JMY: variants seen among roughly 807,000 people sequenced by gnomAD.
JMY encodes junction mediating and regulatory protein, p53 cofactor, also known as junction-mediating and -regulatory protein.
Under a neutral mutation model 103.3 loss-of-function variants are expected in JMY, and 46 were observed. That is an observed-to-expected ratio of 0.45 (90% CI 0.35 to 0.57). The LOEUF is 0.57. Ranked by LOEUF, JMY falls within the 20% of genes least tolerant of loss-of-function variation. JMY has a pLI of 0.00. For missense variants in JMY, 1,238 were observed against 1,255.2 expected (o/e 0.99, Z 0.21); for synonymous variants, 526 against 489.3 (o/e 1.07, Z -0.99).
intron 7 of JMY, 94 bp from the exon 8 acceptor site, chr5:79,312,309 T>C (rs1747071478): frequency 3.0e-6 from 2 of 668,120 alleles, no homozygotes; most frequent in Non-Finnish European, 4.7e-6. Flanking sequence ...AATCATCCCC[T>C]TTGGCCCACA....
chr5:79,318,753 TATATATATAGAGAG>T (rs1266278004), intron 10 of JMY, among the ~76,000 whole-genome samples: 1 of 48,328 alleles, frequency 2.1e-5, no homozygotes, highest in Admixed American at 2.2e-4. Context: ...TATATATATA[TATATATATAGAGAG>T]AGAGAGAGAG....
intron 2 of JMY, 150 bp from the exon 3 acceptor site, chr5:79,289,971 T>C: frequency 3.5e-6 from 2 of 568,772 alleles, no homozygotes; most frequent in Non-Finnish European, 5.9e-6. Context: ...TCTTCAGTAT[T>C]ATTGTTAATT....
chr5:79,264,190 A>G (rs1435153667), intron 1 of JMY, among the ~76,000 whole-genome samples: 1 of 151,818 alleles, frequency 6.6e-6, no homozygotes, highest in Non-Finnish European at 1.5e-5. Context: ...GGCTCAGGTG[A>G]TTCTTTCACC....
At chr5:79,248,227 A>T (rs1172535165) in intron 1 of JMY, among the ~76,000 whole-genome samples, 12 of 152,010 alleles carry the variant, frequency 7.9e-5, no homozygotes, top group Non-Finnish European at 1.5e-5. Flanking sequence ...ACGGGATTTC[A>T]CCAAGTTGGC....
At chr5:79,288,189 C>T (rs1407182410) in intron 2 of JMY, among the ~76,000 whole-genome samples, 1 of 152,162 alleles carries the variant, frequency 6.6e-6, no homozygotes, top group East Asian at 1.9e-4. Flanking sequence ...TTTAAGACAA[C>T]CTCATATGAT....
chr5:79,279,987 G>C (rs190702601), intron 2 of JMY, among the ~76,000 whole-genome samples: 3 of 152,256 alleles, frequency 2.0e-5, no homozygotes, highest in African/African-American at 7.2e-5. Context: ...GGGACTATGG[G>C]CGCATGCCAC....
At chr5:79,248,473 A>C (rs1744975399) in intron 1 of JMY, among the ~76,000 whole-genome samples, 1 of 146,348 alleles carries the variant, frequency 6.8e-6, no homozygotes, top group African/African-American at 2.5e-5. Flanking sequence ...CACCCAGCTA[A>C]GTTTTTTGTA....
chr5:79,277,644 CAAA>C (rs1003796753), intron 1 of JMY, among the ~76,000 whole-genome samples: 3 of 139,060 alleles, frequency 2.2e-5, no homozygotes, highest in Non-Finnish European at 4.7e-5. Context: ...GTCTCAAAAA[CAAA>C]AAAAAAAGGA....
At position 79,314,637 on chromosome 5, in the gene JMY, A is replaced by ACCC; in HGVS notation, c.2447_2448insCCC (p.Pro825dup). 2.5e-6 allele frequency: 1 copy of ACCC among 396,674 alleles called. No individual in the cohort carries two copies. The highest frequency in any genetic ancestry group is 4.0e-6 in the Non-Finnish European group (1 of 252,330). The allele number at this position is 396,674 out of a possible 1,614,324, so 24.6% of individuals were successfully genotyped here. A position where few individuals can be genotyped will look rare whatever the true frequency, so the allele number is the denominator to read the frequency against. ...TTCCTCCAACACCACCACCTCCCCC[A>ACCC]CCTCCTCCCCCTCCCCCACCACCAC... is the stretch of plus-strand genomic sequence containing the variant. On this transcript the variant is annotated inframe_insertion, in exon 9 of 11. Transcript: ENST00000396137.
intron 1 of JMY, among the ~76,000 whole-genome samples, chr5:79,243,767 T>A (rs1580324854): frequency 6.6e-6 from 1 of 152,294 alleles, no homozygotes; most frequent in East Asian, 1.9e-4. Context: ...CTAATCATTT[T>A]CTTCAATCCT....
intron 1 of JMY, among the ~76,000 whole-genome samples, chr5:79,271,215 G>A (rs1418894527): frequency 1.3e-5 from 2 of 149,512 alleles, no homozygotes; most frequent in African/African-American, 4.9e-5. Flanking sequence ...TTAAATTTTA[G>A]TAGAGAGAGT....
chr5:79,269,612 G>T (rs545852025), intron 1 of JMY, among the ~76,000 whole-genome samples: 1 of 152,048 alleles, frequency 6.6e-6, no homozygotes, highest in Non-Finnish European at 1.5e-5. Flanking sequence ...CTTTGTCAGA[G>T]TTTTATAGCT....
At position 79,241,236 on chromosome 5, in the gene JMY, A is replaced by G. The variant is rs1744731844; in HGVS notation, c.1032+3554A>G. Among the ~76,000 whole-genome samples the G allele has an allele frequency of 2.6e-5, 4 of 152,294 alleles. No homozygotes were observed. The South Asian group carries it at 8.3e-4, about 32-fold the overall frequency. On this transcript the variant is annotated intron_variant, in intron 1 of 10. Coordinates refer to ENST00000396137, the MANE Select transcript of JMY (RefSeq NM_152405.5). ...AAGCTTTTCAAGGTCCTTGGCTTTGACAATACCTTGGAACTCTCTTCTTTG... is the reference window on the plus strand; with the variant it reads ...AAGCTTTTCAAGGTCCTTGGCTTTGGCAATACCTTGGAACTCTCTTCTTTG...
At chr5:79,300,961 A>G in intron 6 of JMY, 98 bp downstream of exon 6, 6 of 987,142 alleles carry the variant, frequency 6.1e-6, no homozygotes, top group Non-Finnish European at 8.8e-6. Flanking sequence ...TTTAAAACTA[A>G]GTAAGCACTA....
chr5:79,242,631 T>C (rs1744775618), intron 1 of JMY, among the ~76,000 whole-genome samples: 1 of 152,168 alleles, frequency 6.6e-6, no homozygotes, highest in South Asian at 2.1e-4. Flanking sequence ...TTTGTCTTAA[T>C]CCAAACGTGT....
intron 1 of JMY, among the ~76,000 whole-genome samples, chr5:79,245,843 C>G (rs1023996809): frequency 2.0e-5 from 3 of 152,122 alleles, no homozygotes; most frequent in Non-Finnish European, 4.4e-5. Context: ...CCAGGCTGGT[C>G]TTGAACTCCT....
chr5:79,251,443 A>G (rs1745081043), intron 1 of JMY, among the ~76,000 whole-genome samples: 1 of 152,008 alleles, frequency 6.6e-6, no homozygotes, highest in African/African-American at 2.4e-5. Flanking sequence ...GTATATATTT[A>G]TGGAATACAT....
rs143614739 is a variant in JMY at position 79,271,792 on chromosome 5, T to C, written c.1033-6118T>C. ...ACATATGATTGTTGTGTCTTCCTGATGAATTGACTCTTTCGTGTTTATAAA... is the reference window on the plus strand; with the variant it reads ...ACATATGATTGTTGTGTCTTCCTGACGAATTGACTCTTTCGTGTTTATAAA... On this transcript the variant is annotated intron_variant, in intron 1 of 10. Coordinates refer to ENST00000396137, the MANE Select transcript of JMY (RefSeq NM_152405.5). 4.7e-3 allele frequency among the ~76,000 whole-genome samples: 723 copies of C among 152,264 alleles called. 2 individuals carry two copies. The highest frequency in any genetic ancestry group is 6.6e-3 in the Non-Finnish European group (446 of 68,012).
chr5:79,326,556 T>A lies in JMY; in HGVS notation c.*4954T>A, dbSNP rs1257850360. ...TAACTTTGACAGAATCTCCATTGTT[T>A]CATTGAATTTCTCATTGTATTATAT... On this transcript the variant is annotated 3_prime_UTR_variant, in exon 11 of 11. Coordinates refer to ENST00000396137, the MANE Select transcript of JMY (RefSeq NM_152405.5). 6.6e-6 allele frequency: 1 copy of A among 152,190 alleles called. No individual in the cohort carries two copies. Among genetic ancestry groups the A allele is most frequent in the East Asian group, 1.9e-4 (1 of 5,202 alleles). The allele number at this position is 152,190 out of a possible 1,614,324, so 9.4% of individuals were successfully genotyped here. A position where few individuals can be genotyped will look rare whatever the true frequency, so the allele number is the denominator to read the frequency against.
Sources: gnomAD v4.1 joint callset for allele counts (sites outside exome capture counted in the v4.1 genomes callset) on GRCh38, gnomAD v4.1.1 for gene constraint, MANE v1.5 for transcripts, NCBI Gene and HGNC (gene_info 2026-07-23, HGNC 2026-07-21) for gene names.